Variants in MYO16 observed in about 807,000 individuals in gnomAD.
The protein encoded by MYO16 is unconventional myosin-XVI.
A neutral mutation model predicts 205.3 loss-of-function variants in MYO16; 94 were observed. That is an observed-to-expected ratio of 0.46 (90% CI 0.39 to 0.54). The LOEUF (loss-of-function observed/expected upper bound fraction) is 0.54. Ranked by LOEUF, MYO16 falls within the 20% of genes least tolerant of loss-of-function variation. The pLI is 0.00. For missense variants in MYO16, 2,315 were observed against 2,387.5 expected (o/e 0.97, Z 0.63); for synonymous variants, 988 against 954.0 (o/e 1.04, Z -0.66).
chr13:108,810,695 T>C (rs1887263713), intron 7 of MYO16, among the ~76,000 whole-genome samples: 3 of 152,172 alleles, frequency 2.0e-5, no homozygotes, highest in Admixed American at 2.0e-4. Context: ...TGTAAATATA[T>C]TGTATCTGTG....
In MYO16 at chr13:108,793,584, C is replaced by T; in HGVS notation, c.685C>T (p.His229Tyr). 1 of 1,613,694 alleles carries T rather than the reference C, an allele frequency of 6.2e-7. No homozygotes were observed. The highest frequency in any genetic ancestry group is 8.5e-7 in the Non-Finnish European group (1 of 1,179,652). The change falls in exon 6 of 35, where the codon CAC (histidine) becomes TAC (tyrosine). Residue 229 changes from histidine (H) to tyrosine (Y), a missense_variant. His to Tyr is a moderately conservative substitution (Grantham distance 83). This residue lies in a region of MYO16 where 1,213 missense variants were observed against 1,274.4 expected (regional missense o/e 0.95). Coordinates refer to ENST00000457511, the MANE Select transcript of MYO16 (RefSeq NM_001198950.3). ...AATGAGTATGTTAACAGATGTCAAACACTTCTTATCATCTGGAGGAAATGT... is the reference window on the plus strand; with the variant it reads ...AATGAGTATGTTAACAGATGTCAAATACTTCTTATCATCTGGAGGAAATGT... ...RPMSMLTDVK[H>Y]FLSSGGNVNE...
chr13:108,743,629 C>A (rs1401766367), intron 4 of MYO16, among the ~76,000 whole-genome samples: 1 of 152,114 alleles, frequency 6.6e-6, no homozygotes, highest in Non-Finnish European at 1.5e-5. Flanking sequence ...TTTCTTAATC[C>A]TTGGCCTTTT....
At chr13:109,017,334 A>G (rs1885864148) in intron 22 of MYO16, among the ~76,000 whole-genome samples, 1 of 152,124 alleles carries the variant, frequency 6.6e-6, no homozygotes, top group African/African-American at 2.4e-5. Flanking sequence ...CGAGAGATCC[A>G]CTGTTAGTCT....
intron 31 of MYO16, among the ~76,000 whole-genome samples, chr13:109,138,387 C>T (rs1484178491): frequency 1.3e-5 from 2 of 152,136 alleles, no homozygotes; most frequent in Non-Finnish European, 2.9e-5. Context: ...CTAAAATTAA[C>T]ATCTCTGTTA....
At chr13:108,723,940 C>A (rs1884250924) in intron 3 of MYO16, among the ~76,000 whole-genome samples, 2 of 152,116 alleles carry the variant, frequency 1.3e-5, no homozygotes, top group African/African-American at 2.4e-5. Flanking sequence ...AATATTGCAT[C>A]TTCTGACCCA....
intron 23 of MYO16, among the ~76,000 whole-genome samples, chr13:109,023,676 T>C (rs1311960451): frequency 7.7e-6 from 1 of 130,002 alleles, no homozygotes; most frequent in African/African-American, 2.8e-5. Flanking sequence ...TGCAAATATA[T>C]GTATATATAC....
chr13:109,203,407 G>A (rs937523648), intron 34 of MYO16, among the ~76,000 whole-genome samples: 2 of 150,996 alleles, frequency 1.3e-5, no homozygotes, highest in Admixed American at 1.3e-4. Flanking sequence ...TTTATTCAGT[G>A]TAGAATTTTA....
At chr13:108,884,714 A>G (rs534669382) in intron 13 of MYO16, among the ~76,000 whole-genome samples, 1 of 150,770 alleles carries the variant, frequency 6.6e-6, no homozygotes, top group East Asian at 2.0e-4. Flanking sequence ...CAATGATGAG[A>G]AAGGCTCTGA....
At chr13:109,128,223 A>C in intron 31 of MYO16, among the ~76,000 whole-genome samples, 1 of 152,238 alleles carries the variant, frequency 6.6e-6, no homozygotes, top group East Asian at 1.9e-4. Flanking sequence ...ATCAGGCTCT[A>C]TTCTAGGCAT....
chr13:108,643,391 A>G (rs912749269), intron 1 of MYO16, among the ~76,000 whole-genome samples: 40 of 152,180 alleles, frequency 2.6e-4, no homozygotes, highest in African/African-American at 9.4e-4. Context: ...GGTTTGTTGA[A>G]CTATTCACCT....
At chr13:108,653,403 C>T (rs375726853) in intron 1 of MYO16, among the ~76,000 whole-genome samples, 14 of 151,978 alleles carry the variant, frequency 9.2e-5, no homozygotes, top group African/African-American at 7.2e-5. Flanking sequence ...TAGTCTCATT[C>T]GTCTATTTTT....
chr13:108,792,627 T>C (rs1886651874), intron 5 of MYO16, among the ~76,000 whole-genome samples: 1 of 151,462 alleles, frequency 6.6e-6, no homozygotes, highest in Non-Finnish European at 1.5e-5. Context: ...TTCTTCTGCC[T>C]CAGCCTCTCG....
At chr13:109,006,063 T>C (rs977480127) in intron 21 of MYO16, among the ~76,000 whole-genome samples, 1 of 152,090 alleles carries the variant, frequency 6.6e-6, no homozygotes, top group African/African-American at 2.4e-5. Context: ...AAGCTGTCCT[T>C]ATATGGGCTA....
At chr13:108,584,618 C>T in the MYO16 span, among the ~76,000 whole-genome samples, 1 of 152,130 alleles carries the variant, frequency 6.6e-6, no homozygotes, top group African/African-American at 2.4e-5. Flanking sequence ...CTCTGTTTAT[C>T]CCCTTCCCTT....
At chr13:108,627,128 G>A (rs926887339), upstream of MYO16, among the ~76,000 whole-genome samples, 1 of 151,396 alleles carries the variant, frequency 6.6e-6, no homozygotes, top group East Asian at 1.9e-4. Context: ...TAAAGTTAAT[G>A]GAACCAAAAT....
Position 109,161,212 on chromosome 13 carries a change from A to G in MYO16, c.5165-3689A>G, listed in dbSNP as rs532530901. Among the ~76,000 whole-genome samples the G allele has an allele frequency of 3.6e-4, 55 of 152,294 alleles. No homozygotes were observed. In the East Asian group the frequency reaches 5.0e-3, roughly 14 times the overall value. On this transcript the variant is annotated intron_variant, in intron 32 of 34. Coordinates refer to ENST00000457511, the MANE Select transcript of MYO16 (RefSeq NM_001198950.3). Reference sequence around the variant, plus strand: ...GCAGCTGCCAGAGTGCAGCTTTGCAACCTACAGTTTTCAGTTCATTACCAC... The same window carrying G: ...GCAGCTGCCAGAGTGCAGCTTTGCAGCCTACAGTTTTCAGTTCATTACCAC...
intron 15 of MYO16, among the ~76,000 whole-genome samples, chr13:108,903,503 A>T (rs1047173106): frequency 2.6e-5 from 4 of 152,158 alleles, no homozygotes; most frequent in African/African-American, 7.2e-5. Context: ...ATTGAGGATG[A>T]AGACTTCAAT....
chr13:108,930,815 A>G (rs577661243), intron 16 of MYO16, among the ~76,000 whole-genome samples: 2 of 152,252 alleles, frequency 1.3e-5, no homozygotes, highest in Non-Finnish European at 2.9e-5. Context: ...TCAAATATAA[A>G]TAAACCAATG....
At chr13:108,583,809 A>G in the MYO16 span, among the ~76,000 whole-genome samples, 5 of 152,232 alleles carry the variant, frequency 3.3e-5, no homozygotes, top group Middle Eastern at 6.3e-3. Flanking sequence ...CTTCAATATC[A>G]TCGGGAAGAA....
Sources: gnomAD v4.1 joint callset for allele counts (sites outside exome capture counted in the v4.1 genomes callset) on GRCh38, gnomAD v4.1.1 for gene constraint, gnomAD v4.1.1 regional missense constraint, MANE v1.5 for transcripts, NCBI Gene and HGNC (gene_info 2026-07-23, HGNC 2026-07-21) for gene names.